The following SCAPER variants were observed in gnomAD, a reference collection of about 807,000 sequenced individuals.
SCAPER encodes the protein S phase cyclin A-associated protein in the endoplasmic reticulum.
Under a neutral mutation model 182.2 loss-of-function variants are expected in SCAPER, and 98 were observed. That is an observed-to-expected ratio of 0.54 (90% CI 0.46 to 0.64). The LOEUF is 0.64. Among genes scored for constraint, SCAPER ranks in the 30% least tolerant of loss-of-function variants. The pLI, the probability that SCAPER is intolerant of heterozygous loss-of-function variation, is 0.00. For missense variants in SCAPER, 1,432 were observed against 1,690.0 expected, an observed-to-expected ratio of 0.85 and a Z score of 2.68; for synonymous variants, 605 against 564.6, an observed-to-expected ratio of 1.07 and a Z score of -1.01.
At chr15:76,531,682 G>C (rs1338881238) in intron 23 of SCAPER, among the ~76,000 whole-genome samples, 3 of 152,072 alleles carry the variant, frequency 2.0e-5, no homozygotes, top group Admixed American at 6.6e-5. Flanking sequence ...TTGGCACACA[G>C]TGTTAATTAT....
intron 5 of SCAPER, among the ~76,000 whole-genome samples, chr15:76,811,401 T>C (rs1472577040): frequency 1.3e-5 from 2 of 152,050 alleles, no homozygotes; most frequent in African/African-American, 2.4e-5. Context: ...CTTGAACCAA[T>C]GGGGCAAAGA....
Position 76,572,919 on chromosome 15 carries a change from T to TCACACACACACACACACACACA in SCAPER, c.2838+1217_2838+1238dup, listed in dbSNP as rs58395846. ...CTCTCTCTCTCTCTCTCTCTCTCTC[T>TCACACACACACACACACACACA]CACACACACACACACACACACACAC... On this transcript the variant is annotated intron_variant, in intron 23 of 31. Transcript: ENST00000563290. 3.4e-3 allele frequency among the ~76,000 whole-genome samples: 465 copies of TCACACACACACACACACACACA among 135,212 alleles called. 5 individuals are homozygous for TCACACACACACACACACACACA. Among genetic ancestry groups the TCACACACACACACACACACACA allele is most frequent in the African/African-American group, 0.013 (446 of 35,526 alleles). The allele number at this position is 135,212 out of a possible 152,430, so 88.7% of individuals were successfully genotyped here.
rs60675828 is a variant in SCAPER, at chr15:76,431,676, CAAAAAAAAAAAAA to C, written c.3311+2389_3311+2401del. Among the ~76,000 whole-genome samples, 21 of 47,130 alleles carry C rather than the reference CAAAAAAAAAAAAA, an allele frequency of 4.5e-4. No homozygotes were observed. In the East Asian group the frequency reaches 0.011, roughly 25 times the overall value. 30.9% of individuals were successfully genotyped at this position (47,130 alleles called of 152,430 possible). A position where few individuals can be genotyped will look rare whatever the true frequency, so the allele number is the denominator to read the frequency against. On this transcript the variant is annotated intron_variant, in intron 26 of 31. Coordinates refer to ENST00000563290, the MANE Select transcript of SCAPER (RefSeq NM_020843.4). ...AGAAGGCAAGTATGAAAATGATTAG[CAAAAAAAAAAAAA>C]AAAAAAAAAAAAAAATGCTTTGTTT...
intron 15 of SCAPER, among the ~76,000 whole-genome samples, chr15:76,733,649 G>C (rs1182851093): frequency 6.6e-6 from 1 of 152,058 alleles, no homozygotes; most frequent in African/African-American, 2.4e-5. Flanking sequence ...AGCTACTCGG[G>C]AGGCAGAGGC....
chr15:76,631,975 T>C (rs1303008751), intron 21 of SCAPER, among the ~76,000 whole-genome samples: 1 of 152,190 alleles, frequency 6.6e-6, no homozygotes, highest in Non-Finnish European at 1.5e-5. Context: ...AGAGGTTTTG[T>C]TTGTTCCTTT....
chr15:76,410,040 T>C (rs1312291018), intron 26 of SCAPER, among the ~76,000 whole-genome samples: 1 of 151,304 alleles, frequency 6.6e-6, no homozygotes, highest in Non-Finnish European at 1.5e-5. Context: ...CGAGCTGCCC[T>C]CCTCAGCCTC....
chr15:76,765,659 T>A, intron 11 of SCAPER, 21 bp from the exon 12 acceptor site: 2 of 1,546,230 alleles, frequency 1.3e-6, no homozygotes. Flanking sequence ...ATAAGGGAAG[T>A]TGAAAATCAA....
intron 5 of SCAPER, among the ~76,000 whole-genome samples, chr15:76,809,800 C>T (rs565732179): frequency 2.2e-4 from 34 of 152,244 alleles, no homozygotes; most frequent in African/African-American, 8.2e-4. Context: ...CACTGAGACA[C>T]ATTATAATCA....
chr15:76,555,031 T>C (rs529030333), intron 23 of SCAPER, among the ~76,000 whole-genome samples: 194 of 152,264 alleles, frequency 1.3e-3, no homozygotes, highest in Non-Finnish European at 2.4e-3. Context: ...TCCATCCACC[T>C]TGGCCTCCCA....
chr15:76,814,560 AT>A lies in SCAPER; in HGVS notation c.394-9928del, dbSNP rs546142022. ...AGTGTTGGGAAAACTGAATAACCAC[AT>A]GTAAAAGAAGGAACTAGACCCTTAT... is the stretch of plus-strand genomic sequence containing the variant. On this transcript the variant is annotated intron_variant, in intron 5 of 31. Transcript: ENST00000563290. Among the ~76,000 whole-genome samples, 4 of 152,344 alleles carry A rather than the reference AT, an allele frequency of 2.6e-5. No homozygotes were observed. The South Asian group carries it at 8.3e-4, about 32-fold the overall frequency.
chr15:76,750,675 T>C (rs2062036116), intron 15 of SCAPER, among the ~76,000 whole-genome samples: 1 of 151,842 alleles, frequency 6.6e-6, no homozygotes, highest in African/African-American at 2.4e-5. Flanking sequence ...CAGTCTCAAC[T>C]GATGCAGAAG....
At chr15:76,605,030 A>T (rs2050256073) in intron 22 of SCAPER, among the ~76,000 whole-genome samples, 1 of 152,162 alleles carries the variant, frequency 6.6e-6, no homozygotes. Flanking sequence ...CTCCTGCCTG[A>T]TTGCCCTGGC....
intron 22 of SCAPER, among the ~76,000 whole-genome samples, chr15:76,588,351 C>G (rs1422882383): frequency 6.6e-6 from 1 of 152,122 alleles, no homozygotes; most frequent in Non-Finnish European, 1.5e-5. Flanking sequence ...TATAATGTCC[C>G]TCTTTGTCTT....
intron 17 of SCAPER, 76 bp downstream of exon 17, chr15:76,728,518 GA>G: frequency 6.3e-7 from 1 of 1,579,830 alleles, no homozygotes; most frequent in African/African-American, 1.4e-5. Context: ...AACTCTACAT[GA>G]CAGTAAATGG....
At chr15:76,876,255 G>A (rs1051659810) in intron 2 of SCAPER, among the ~76,000 whole-genome samples, 1 of 152,112 alleles carries the variant, frequency 6.6e-6, no homozygotes, top group Admixed American at 6.5e-5. Context: ...CCAGAGAGGG[G>A]CCCCCACAGC....
chr15:76,485,789 A>G (rs1596954419), intron 24 of SCAPER, among the ~76,000 whole-genome samples: 1 of 151,984 alleles, frequency 6.6e-6, no homozygotes, highest in Admixed American at 6.6e-5. Flanking sequence ...TGGGGAAAAG[A>G]CTCCCTATTC....
rs565305296 is a variant in SCAPER at position 76,712,216 on chromosome 15, T to G, written c.2166-6232A>C. On this transcript the variant is annotated intron_variant, in intron 17 of 31. Transcript: ENST00000563290. ...GGGAATCCTTTCCCCATTGCTTCTT[T>G]TTCTCAGGTTTGTCAAAGATCAGGT... Among the ~76,000 whole-genome samples the G allele has an allele frequency of 3.9e-5, 6 of 152,306 alleles. No individual in the cohort carries two copies. The East Asian group carries it at 9.6e-4, about 24-fold the overall frequency.
chr15:76,895,082 G>C (rs530112343), intron 1 of SCAPER, among the ~76,000 whole-genome samples: 9 of 152,018 alleles, frequency 5.9e-5, no homozygotes, highest in Non-Finnish European at 1.3e-4. Flanking sequence ...TAGAAGAAAA[G>C]AAAATTACAG....
intron 17 of SCAPER, among the ~76,000 whole-genome samples, chr15:76,714,930 T>C (rs766156365): frequency 3.3e-5 from 5 of 152,034 alleles, no homozygotes; most frequent in East Asian, 1.9e-4. Context: ...AGAAATTTTA[T>C]AGAATTATTT....
Sources: allele counts gnomAD v4.1 joint callset (sites outside exome capture counted in the v4.1 genomes callset), GRCh38; gene constraint gnomAD v4.1.1; transcripts MANE v1.5; gene names NCBI Gene and HGNC (gene_info 2026-07-23, HGNC 2026-07-21).